BMP7: variants seen among roughly 807,000 people sequenced by gnomAD.
BMP7 encodes bone morphogenetic protein 7.
In BMP7, 12 loss-of-function variants were observed where a neutral mutation model predicts 41.2. The observed-to-expected ratio is 0.29, with a 90% CI of 0.19 to 0.47. The LOEUF (loss-of-function observed/expected upper bound fraction) is 0.47. Ranked by LOEUF, BMP7 falls within the 20% of genes least tolerant of loss-of-function variation. The probability of loss-of-function intolerance (pLI) is 0.99; values close to 1 mark genes in which losing one functional copy is unlikely to be tolerated. For missense variants in BMP7, 467 were observed against 606.0 expected, an observed-to-expected ratio of 0.77 and a Z score of 2.41; for synonymous variants, 248 against 250.0, an observed-to-expected ratio of 0.99 and a Z score of 0.07.
chr20:57,192,420 C>T (rs891058423), intron 3 of BMP7, among the ~76,000 whole-genome samples: 4 of 150,098 alleles, frequency 2.7e-5, no homozygotes, highest in Admixed American at 2.0e-4. Context: ...TGTTCTAATA[C>T]CCCAGGAAGG....
In BMP7 at chr20:57,213,720, TCGGGTCCCA is replaced by T. The variant is rs1358296913; in HGVS notation, c.612-11106_612-11098del. Among the ~76,000 whole-genome samples, 1 of 152,170 alleles carries T rather than the reference TCGGGTCCCA, an allele frequency of 6.6e-6. No individual in the cohort carries two copies. Among genetic ancestry groups the T allele is most frequent in the Non-Finnish European group, 1.5e-5 (1 of 68,038 alleles). On this transcript the variant is annotated intron_variant, in intron 2 of 6. Transcript: ENST00000395863. This position sits in a 1 kb window ranked among gnomAD's most constrained non-coding sequence, Gnocchi z 4.4. Reference sequence around the variant, plus strand: ...TGTGATGAAATCCCCAGAGTGGTCCTCGGGTCCCACAGTGGGTGCTCAGGGATGTAGGCT... The same window carrying T: ...TGTGATGAAATCCCCAGAGTGGTCCTCAGTGGGTGCTCAGGGATGTAGGCT...
At chr20:57,231,995 G>A (rs111464344) in intron 1 of BMP7, among the ~76,000 whole-genome samples, 31 of 152,322 alleles carry the variant, frequency 2.0e-4, no homozygotes, top group African/African-American at 7.2e-4. Context: ...CATGAGACAG[G>A]ACTGATCCCC....
chr20:57,238,655 A>T (rs1268748331), intron 1 of BMP7, among the ~76,000 whole-genome samples: 2 of 151,980 alleles, frequency 1.3e-5, no homozygotes, highest in Admixed American at 1.3e-4. Flanking sequence ...TGGTGACTGT[A>T]TTAGTCTGTT....
chr20:57,251,388 A>AT lies in BMP7; in HGVS notation c.418+14316dup, dbSNP rs370725703. Among the ~76,000 whole-genome samples, 589 of 152,236 alleles carry AT rather than the reference A, an allele frequency of 3.9e-3. 6 individuals carry two copies. Among genetic ancestry groups the AT allele is most frequent in the African/African-American group, 0.014 (573 of 41,536 alleles). The stretch of plus-strand genomic sequence containing the variant: ...TAACTACCATCTGAGACATTTTAGA[A>AT]TTTTTTCAAAAACACAGGAGAACAG... On this transcript the variant is annotated intron_variant, in intron 1 of 6. Transcript: ENST00000395863.
At chr20:57,232,490 TAG>T (rs2066033093) in intron 1 of BMP7, among the ~76,000 whole-genome samples, 1 of 152,164 alleles carries the variant, frequency 6.6e-6, no homozygotes, top group African/African-American at 2.4e-5. Context: ...GTACAATCAT[TAG>T]AGTCATGCCC....
chr20:57,172,478 G>A (rs1386157740), intron 6 of BMP7, among the ~76,000 whole-genome samples: 1 of 152,232 alleles, frequency 6.6e-6, no homozygotes, highest in Non-Finnish European at 1.5e-5. Flanking sequence ...GGAGGGAGTA[G>A]TCCTGGTAGT....
Position 57,171,036 on chromosome 20 carries a change from G to C in BMP7, c.1219C>G (p.Leu407Val), listed in dbSNP as rs771473569. 1 of 1,614,120 alleles carries C rather than the reference G, an allele frequency of 6.2e-7. No homozygotes were observed. The highest frequency in any genetic ancestry group is 1.3e-5 in the African/African-American group (1 of 74,938). The change falls in exon 7 of 7, where the codon CTC (leucine) becomes GTC (valine). Residue 407 changes from leucine (L) to valine (V), a missense_variant. This residue lies in a region of BMP7 where 60 missense variants were observed against 120.1 expected (regional missense o/e 0.50). Coordinates refer to ENST00000395863, the MANE Select transcript of BMP7 (RefSeq NM_001719.3). This position sits in a 1 kb window ranked among gnomAD's most constrained non-coding sequence, Gnocchi z 4.5. ...APTQLNAISVLYFDDSSNVIL... is the reference protein window; with the variant it reads ...APTQLNAISVVYFDDSSNVIL... ...ACGTTGGAGCTGTCATCGAAGTAGAGGACGGAGATGGCATTGAGCTGCGTG... is the reference window on the plus strand; with the variant it reads ...ACGTTGGAGCTGTCATCGAAGTAGACGACGGAGATGGCATTGAGCTGCGTG...
chr20:57,223,401 T>A (rs1985237304), intron 2 of BMP7, among the ~76,000 whole-genome samples: 1 of 152,108 alleles, frequency 6.6e-6, no homozygotes, highest in South Asian at 2.1e-4. Context: ...TCAGGAGTTT[T>A]AAAAGCCTCT....
intron 1 of BMP7, among the ~76,000 whole-genome samples, chr20:57,247,280 A>T (rs1449179254): frequency 2.0e-5 from 3 of 152,200 alleles, no homozygotes; most frequent in Non-Finnish European, 4.4e-5. Context: ...ACATATGACT[A>T]AGAACCCCAA....
chr20:57,219,150 T>C (rs546461328), intron 2 of BMP7, among the ~76,000 whole-genome samples: 1 of 107,362 alleles, frequency 9.3e-6, no homozygotes, highest in Admixed American at 8.7e-5. Flanking sequence ...TGGTAGCTGG[T>C]GTTCAGTGGT....
intron 3 of BMP7, among the ~76,000 whole-genome samples, chr20:57,198,959 C>T (rs999338826): frequency 5.9e-5 from 9 of 152,230 alleles, no homozygotes; most frequent in African/African-American, 1.7e-4. Flanking sequence ...TCCACCCACG[C>T]ACAGTGTAAC....
In BMP7 at chr20:57,266,143, C is replaced by A. The variant is rs1568735152; in HGVS notation, c.-21G>T. 1.7e-5 allele frequency: 25 copies of A among 1,514,576 alleles called. No homozygotes were observed. The highest frequency in any genetic ancestry group is 2.2e-5 in the Non-Finnish European group (25 of 1,136,520). 93.8% of individuals were successfully genotyped at this position (1,514,576 alleles called of 1,614,324 possible). On this transcript the variant is annotated 5_prime_UTR_variant, in exon 1 of 7. Transcript: ENST00000395863. The stretch of plus-strand genomic sequence containing the variant: ...TGCATCGCGCCGGCTCTACGCGCTA[C>A]CCGGGCTCCGGGCTCCGGGCCCGCA...
At chr20:57,253,884 G>A (rs531041308) in intron 1 of BMP7, among the ~76,000 whole-genome samples, 3 of 152,138 alleles carry the variant, frequency 2.0e-5, no homozygotes, top group East Asian at 3.9e-4. Context: ...AAACCGAGAC[G>A]TTCACATTGC....
At chr20:57,204,982 G>T (rs1984698862) in intron 2 of BMP7, among the ~76,000 whole-genome samples, 1 of 152,168 alleles carries the variant, frequency 6.6e-6, no homozygotes, top group Non-Finnish European at 1.5e-5. Flanking sequence ...GAGGGAGAAA[G>T]TCTGGACCCT....
rs539776433 is a variant in BMP7, at chr20:57,214,346, C to T, written c.612-11723G>A. On this transcript the variant is annotated intron_variant, in intron 2 of 6. Transcript: ENST00000395863. The surrounding 1 kb of genome is among the most constrained non-coding windows in gnomAD (Gnocchi z 4.0). ...TTGCAGGGGCTGAGCAATTAACTTC[C>T]CTGCCTCAAACCCTTTATCAGCTCT... 6.6e-6 allele frequency among the ~76,000 whole-genome samples: 1 copy of T among 152,314 alleles called. No individual in the cohort carries two copies. Among genetic ancestry groups the T allele is most frequent in the Admixed American group, 6.5e-5 (1 of 15,304 alleles).
intron 1 of BMP7, among the ~76,000 whole-genome samples, chr20:57,258,077 A>G (rs2066140850): frequency 6.6e-6 from 1 of 152,228 alleles, no homozygotes; most frequent in Non-Finnish European, 1.5e-5. Flanking sequence ...GCCAATTTTA[A>G]TTAAGCCAGG....
intron 4 of BMP7, among the ~76,000 whole-genome samples, chr20:57,180,404 C>G (rs1419165846): frequency 1.3e-5 from 2 of 152,010 alleles, no homozygotes; most frequent in African/African-American, 4.8e-5. Flanking sequence ...AGCATCCTCT[C>G]CGGACCAGCC....
At chr20:57,180,788 C>T (rs1984062621) in intron 4 of BMP7, among the ~76,000 whole-genome samples, 1 of 152,116 alleles carries the variant, frequency 6.6e-6, no homozygotes. Flanking sequence ...GCCACACAGA[C>T]CCACTGAGGT....
intron 2 of BMP7, among the ~76,000 whole-genome samples, chr20:57,209,299 A>G (rs1216466953): frequency 7.0e-6 from 1 of 141,958 alleles, no homozygotes; most frequent in African/African-American, 2.6e-5. Context: ...ATATAAATTA[A>G]CCAGGCGTGG....
Sources: allele counts gnomAD v4.1 joint callset (sites outside exome capture counted in the v4.1 genomes callset), GRCh38; gene constraint gnomAD v4.1.1; regional missense constraint gnomAD v4.1.1; non-coding constraint Gnocchi (gnomAD v3.1); transcripts MANE v1.5; gene names NCBI Gene and HGNC (gene_info 2026-07-23, HGNC 2026-07-21).